The following TMEM94 variants were observed in gnomAD, a reference collection of about 807,000 sequenced individuals.
TMEM94 encodes ER Mg2+ ATPase.
TMEM94 carries 81 observed loss-of-function variants against 158.6 expected under a neutral mutation model. The observed-to-expected ratio is 0.51, with a 90% CI of 0.43 to 0.61. The LOEUF (loss-of-function observed/expected upper bound fraction) is 0.61, where lower values mean the gene tolerates loss of function less well. Ranked by LOEUF, TMEM94 falls within the 20% of genes least tolerant of loss-of-function variation. The pLI is 0.00. For synonymous variants in TMEM94, 751 were observed against 730.7 expected (o/e 1.03, Z -0.45); for missense variants, 1,435 against 1,762.0 (o/e 0.81, Z 3.32).
intron 7 of TMEM94, 76 bp downstream of exon 7, chr17:75,488,986 C>T: frequency 2.0e-6 from 3 of 1,467,076 alleles, no homozygotes; most frequent in Non-Finnish European, 2.8e-6. Flanking sequence ...AAGGAAGGGG[C>T]CCCGTTCATC....
intron 2 of TMEM94, among the ~76,000 whole-genome samples, chr17:75,479,738 C>T (rs1216615744): frequency 2.0e-5 from 3 of 151,936 alleles, no homozygotes; most frequent in African/African-American, 2.4e-5. Flanking sequence ...GGCAACATGG[C>T]GAAACCCTGT....
intron 6 of TMEM94, among the ~76,000 whole-genome samples, chr17:75,488,401 C>G (rs2051817225): frequency 6.6e-6 from 1 of 152,192 alleles, no homozygotes; most frequent in Non-Finnish European, 1.5e-5. Context: ...CTCAGCCTCC[C>G]CAGTAGCTGG....
Position 75,485,647 on chromosome 17 carries a change from G to C in TMEM94, c.144+100G>C. On this transcript the variant is annotated intron_variant, in intron 3 of 31. Coordinates refer to ENST00000314256, the MANE Select transcript of TMEM94 (RefSeq NM_014738.6). The surrounding 1 kb of genome is among the most constrained non-coding windows in gnomAD (Gnocchi z 5.5). Reference sequence around the variant, plus strand: ...CTGATGTACCCTGTCACCCTGGACAGTGTGACCCAACTGAGGCCTCATGAA... The same window carrying C: ...CTGATGTACCCTGTCACCCTGGACACTGTGACCCAACTGAGGCCTCATGAA... 2.0e-6 allele frequency: 3 copies of C among 1,525,666 alleles called. No individual in the cohort carries two copies. Among genetic ancestry groups the C allele is most frequent in the Non-Finnish European group, 2.7e-6 (3 of 1,112,322 alleles). The allele number at this position is 1,525,666 out of a possible 1,614,324, so 94.5% of individuals were successfully genotyped here. A position where few individuals can be genotyped will look rare whatever the true frequency, so the allele number is the denominator to read the frequency against.
At chr17:75,488,716 G>C (rs369143950) in intron 6 of TMEM94, 43 bp from the exon 7 acceptor site, 1 of 1,609,064 alleles carries the variant, frequency 6.2e-7, no homozygotes, top group Non-Finnish European at 8.5e-7. Context: ...AGTGGCCTCT[G>C]ATAGGACCCT....
In TMEM94 at chr17:75,495,462, G is replaced by A; in HGVS notation, c.2844+63G>A. Reference sequence around the variant, plus strand: ...GGTCCCATAGCTGGTCCAGGGGAGAGGTAGAGAGGTGGTGGGCAGGCGGTG... The same window carrying A: ...GGTCCCATAGCTGGTCCAGGGGAGAAGTAGAGAGGTGGTGGGCAGGCGGTG... On this transcript the variant is annotated intron_variant, in intron 21 of 31. Transcript: ENST00000314256. The surrounding 1 kb of genome is among the most constrained non-coding windows in gnomAD (Gnocchi z 5.6). The A allele has an allele frequency of 6.3e-7, 1 of 1,589,410 alleles. No homozygotes were observed. Among genetic ancestry groups the A allele is most frequent in the Non-Finnish European group, 8.6e-7 (1 of 1,158,698 alleles).
In TMEM94 at chr17:75,485,771, G is replaced by A; in HGVS notation, c.145-100G>A. On this transcript the variant is annotated intron_variant, in intron 3 of 31. Transcript: ENST00000314256. The surrounding 1 kb of genome is among the most constrained non-coding windows in gnomAD (Gnocchi z 5.5). ...AGCCCAGCCGAGGTCAAAGAGAGGG[G>A]ACCAAGGCGGCCATGGGGGCTGGGA... The A allele has an allele frequency of 6.9e-7, 1 of 1,456,452 alleles. No homozygotes were observed. The highest frequency in any genetic ancestry group is 9.2e-7 in the Non-Finnish European group (1 of 1,084,962). 90.2% of individuals were successfully genotyped at this position (1,456,452 alleles called of 1,614,324 possible). A position where few individuals can be genotyped will look rare whatever the true frequency, so the allele number is the denominator to read the frequency against.
chr17:75,463,128 G>GTATATA (rs1491321693), intron 1 of TMEM94, among the ~76,000 whole-genome samples: 2 of 2,088 alleles, frequency 9.6e-4, no homozygotes, highest in African/African-American at 9.7e-3. Flanking sequence ...ATATATATAC[G>GTATATA]TGTATATATG....
At chr17:75,463,100 A>G (rs1294479456) in intron 1 of TMEM94, among the ~76,000 whole-genome samples, 3 of 12,318 alleles carry the variant, frequency 2.4e-4, no homozygotes, top group African/African-American at 2.4e-3. Flanking sequence ...ACACATATAT[A>G]TGTGTGTATA....
In TMEM94 at chr17:75,493,486, C is replaced by A. The variant is rs4078474; in HGVS notation, c.2087-5C>A. ...GACACTCAGGGTTTGAACTCTCTCC[C>A]CCAGGCACAGAGCAGATGCTGTCCC... is the stretch of plus-strand genomic sequence containing the variant. On this transcript the variant is annotated splice_polypyrimidine_tract_variant and splice_region_variant and intron_variant, in intron 16 of 31. Coordinates refer to ENST00000314256, the MANE Select transcript of TMEM94 (RefSeq NM_014738.6). 18 of 1,613,430 alleles carry A rather than the reference C, an allele frequency of 1.1e-5. No individual in the cohort carries two copies. Among genetic ancestry groups the A allele is most frequent in the African/African-American group, 8.0e-5 (6 of 74,862 alleles).
intron 2 of TMEM94, among the ~76,000 whole-genome samples, chr17:75,472,385 A>G (rs2050533568): frequency 6.6e-6 from 1 of 152,220 alleles, no homozygotes; most frequent in Non-Finnish European, 1.5e-5. Context: ...TGGGCCAGCC[A>G]TAAGATTGGT....
chr17:75,493,257 C>A, intron 16 of TMEM94, 155 bp downstream of exon 16: 1 of 946,310 alleles, frequency 1.1e-6, no homozygotes, highest in Admixed American at 2.6e-5. Context: ...AATTGGGGAC[C>A]AGGGCTGGGA....
At chr17:75,497,439 C>T (rs776553390) in intron 26 of TMEM94, among the ~76,000 whole-genome samples, 1 of 150,830 alleles carries the variant, frequency 6.6e-6, no homozygotes, top group South Asian at 2.1e-4. Flanking sequence ...TTGCAACCTC[C>T]GCCTCCCGGG....
intron 1 of TMEM94, among the ~76,000 whole-genome samples, chr17:75,461,474 G>C (rs2050065892): frequency 6.6e-6 from 1 of 151,986 alleles, no homozygotes; most frequent in South Asian, 2.1e-4. Context: ...AAAAGTATAT[G>C]TATTCAAGGG....
chr17:75,469,172 G>A (rs967949497), intron 1 of TMEM94, among the ~76,000 whole-genome samples: 15 of 152,062 alleles, frequency 9.9e-5, no homozygotes, highest in Non-Finnish European at 1.5e-4. Context: ...GAGGGGCTGC[G>A]GGCTTGCACA....
chr17:75,493,375 C>T, intron 16 of TMEM94, 116 bp from the exon 17 acceptor site: 1 of 1,059,402 alleles, frequency 9.4e-7, no homozygotes, highest in Admixed American at 2.0e-5. Context: ...CCCAGGGAGT[C>T]TCCTCCTCTG....
chr17:75,465,708 C>G (rs2146128692), intron 1 of TMEM94, among the ~76,000 whole-genome samples: 1 of 137,052 alleles, frequency 7.3e-6, no homozygotes, highest in South Asian at 2.1e-4. Context: ...GACTTCAAAA[C>G]TACTTTTGCT....
intron 18 of TMEM94, 101 bp downstream of exon 18, chr17:75,494,017 C>G: frequency 8.8e-7 from 1 of 1,141,182 alleles, no homozygotes; most frequent in East Asian, 2.6e-5. Flanking sequence ...GCACCCCCCA[C>G]AGCAAAGGGG....
rs1200372060 is a variant in TMEM94, at chr17:75,485,579, G to A, written c.144+32G>A. 6.2e-7 allele frequency: 1 copy of A among 1,613,814 alleles called. No homozygotes were observed. The highest frequency in any genetic ancestry group is 8.5e-7 in the Non-Finnish European group (1 of 1,179,738). On this transcript the variant is annotated intron_variant, in intron 3 of 31. Coordinates refer to ENST00000314256, the MANE Select transcript of TMEM94 (RefSeq NM_014738.6). This position sits in a 1 kb window ranked among gnomAD's most constrained non-coding sequence, Gnocchi z 5.5. ...CTTCTTCTCGGGGCTACCAGGGCCT[G>A]GCTGGGATGGCAGGGAAGTGTGGGA...
chr17:75,461,506 A>AT (rs1433671993), intron 1 of TMEM94, among the ~76,000 whole-genome samples: 2 of 152,122 alleles, frequency 1.3e-5, no homozygotes, highest in African/African-American at 2.4e-5. Flanking sequence ...ATAAAAAAGA[A>AT]TTTTTTTAAA....
Sources: gnomAD v4.1 joint callset for allele counts (sites outside exome capture counted in the v4.1 genomes callset) on GRCh38, gnomAD v4.1.1 for gene constraint, Gnocchi (gnomAD v3.1) non-coding constraint, MANE v1.5 for transcripts, NCBI Gene and HGNC (gene_info 2026-07-23, HGNC 2026-07-21) for gene names.